Variants in TDRD9 observed in about 807,000 individuals in gnomAD.
TDRD9 encodes the protein tudor domain containing 9.
TDRD9 carries 124 observed loss-of-function variants against 172.6 expected under a neutral mutation model. The ratio of observed to expected loss-of-function variants is 0.72; its 90% CI spans 0.62 to 0.83. The LOEUF (loss-of-function observed/expected upper bound fraction) is 0.83. Ranked by LOEUF, TDRD9 falls within the 40% of genes least tolerant of loss-of-function variation. The pLI is 0.00. For missense variants in TDRD9, 1,479 were observed against 1,714.1 expected, an observed-to-expected ratio of 0.86 and a Z score of 2.42; for synonymous variants, 619 against 617.1, an observed-to-expected ratio of 1.00 and a Z score of -0.05.
chr14:104,035,627 A>G (rs1423327189), intron 32 of TDRD9, among the ~76,000 whole-genome samples: 1 of 152,180 alleles, frequency 6.6e-6, no homozygotes, highest in Non-Finnish European at 1.5e-5. Flanking sequence ...TTTGCAGACT[A>G]GGGATTGACA....
chr14:104,006,749 A>G (rs970470778), intron 17 of TDRD9, 33 bp from the exon 18 acceptor site: 2 of 1,613,088 alleles, frequency 1.2e-6, no homozygotes, highest in Non-Finnish European at 1.7e-6. Context: ...CTGTATTTTA[A>G]TGGTATTGAA....
intron 20 of TDRD9, among the ~76,000 whole-genome samples, 164 bp downstream of exon 20, chr14:104,008,630 C>T (rs1029404026): frequency 1.3e-5 from 2 of 152,166 alleles, no homozygotes; most frequent in Admixed American, 6.5e-5. Context: ...TGTGTTTTCA[C>T]CTTTCAGTAG....
chr14:103,934,549 C>T (rs1045326786), intron 1 of TDRD9, among the ~76,000 whole-genome samples: 4 of 152,132 alleles, frequency 2.6e-5, no homozygotes, highest in Admixed American at 1.3e-4. Flanking sequence ...GAGGCCGAGG[C>T]GGGTGGATCA....
intron 34 of TDRD9, among the ~76,000 whole-genome samples, chr14:104,045,144 G>GAAAA (rs143411044): frequency 7.1e-6 from 1 of 140,510 alleles, no homozygotes; most frequent in Admixed American, 7.1e-5. Flanking sequence ...ACTCTATCAG[G>GAAAA]AAAAAAAAAA....
chr14:104,014,570 C>G (rs1040293468), intron 20 of TDRD9, among the ~76,000 whole-genome samples, 155 bp from the exon 21 acceptor site: 1 of 152,072 alleles, frequency 6.6e-6, no homozygotes, highest in Admixed American at 6.6e-5. Context: ...TGTGAGTCAC[C>G]GTGCACAGCC....
chr14:103,949,042 G>A (rs963117931), intron 1 of TDRD9, among the ~76,000 whole-genome samples: 3 of 152,196 alleles, frequency 2.0e-5, no homozygotes, highest in African/African-American at 7.2e-5. Context: ...ATTGTTTAAT[G>A]GGTACAGAGA....
At chr14:103,948,217 A>G (rs960370728) in intron 1 of TDRD9, among the ~76,000 whole-genome samples, 3 of 151,312 alleles carry the variant, frequency 2.0e-5, no homozygotes, top group African/African-American at 7.3e-5. Context: ...GGGTCTTACT[A>G]TGTTGCTCAG....
chr14:104,044,084 A>G (rs8007542), intron 34 of TDRD9, among the ~76,000 whole-genome samples: 3,655 of 152,266 alleles, frequency 0.024, 149 homozygotes, highest in African/African-American at 0.084. Flanking sequence ...CTGCTGCCAC[A>G]TAAGAGAGGG....
rs985533975 is a variant in TDRD9, at chr14:103,965,630, G to T, written c.642+76G>T. The T allele has an allele frequency of 3.7e-6, 5 of 1,336,096 alleles. No individual in the cohort carries two copies. The African/African-American group carries it at 7.3e-5, about 19-fold the overall frequency. 82.8% of individuals were successfully genotyped at this position (1,336,096 alleles called of 1,614,324 possible). On this transcript the variant is annotated intron_variant, in intron 4 of 35. Transcript: ENST00000409874. ...CCTTAATTTTATTAAGTTTTTTTCT[G>T]TGTAAGTTGATAGTATGTGACCATT...
chr14:103,961,224 T>G (rs2032493196), intron 2 of TDRD9, among the ~76,000 whole-genome samples: 1 of 152,160 alleles, frequency 6.6e-6, no homozygotes, highest in Non-Finnish European at 1.5e-5. Flanking sequence ...TGAGACGTGA[T>G]AATGGAAAGA....
chr14:103,941,559 T>C (rs1658007377), intron 1 of TDRD9: 19 of 1,535,372 alleles, frequency 1.2e-5, no homozygotes, highest in Non-Finnish European at 1.3e-5. Context: ...TTCGATTTCT[T>C]GTATTAATCT....
chr14:103,958,793 AAG>A (rs2032367247), intron 2 of TDRD9, among the ~76,000 whole-genome samples: 1 of 152,212 alleles, frequency 6.6e-6, no homozygotes, highest in Non-Finnish European at 1.5e-5. Context: ...CCAGAACTGT[AAG>A]AGAATAAATG....
At chr14:103,985,997 C>T (rs1221005213) in intron 7 of TDRD9, among the ~76,000 whole-genome samples, 1 of 152,152 alleles carries the variant, frequency 6.6e-6, no homozygotes, top group Non-Finnish European at 1.5e-5. Context: ...GGTGACTAGG[C>T]GAGGAGATTG....
intron 5 of TDRD9, 129 bp downstream of exon 5, chr14:103,966,960 CT>C (rs1321604505): frequency 4.6e-6 from 4 of 861,086 alleles, no homozygotes; most frequent in Non-Finnish European, 6.5e-6. Context: ...ACTTTCTGGA[CT>C]TTTCTCAGTA....
At chr14:103,941,787 C>A in intron 1 of TDRD9, 2 of 1,010,374 alleles carry the variant, frequency 2.0e-6, no homozygotes, top group Non-Finnish European at 1.4e-6. Flanking sequence ...TAAATTTGCC[C>A]GAAAAGTGCA....
rs775395561 is a variant in TDRD9 at position 104,016,195 on chromosome 14, G to A, written c.2331+107G>A. On this transcript the variant is annotated intron_variant, in intron 22 of 35. Coordinates refer to ENST00000409874, the MANE Select transcript of TDRD9 (RefSeq NM_153046.3). Reference sequence around the variant, plus strand: ...AGTCCTAAGTGAATTTTCCCCTGGCGTGAATATTAGGCTTGTTTGGCCTTT... The same window carrying A: ...AGTCCTAAGTGAATTTTCCCCTGGCATGAATATTAGGCTTGTTTGGCCTTT... The A allele has an allele frequency of 5.2e-5, 40 of 765,068 alleles. 1 individual carries two copies. The highest frequency in any genetic ancestry group is 3.0e-4 in the East Asian group (11 of 36,758). 47.4% of individuals were successfully genotyped at this position (765,068 alleles called of 1,614,324 possible).
intron 15 of TDRD9, among the ~76,000 whole-genome samples, chr14:104,005,861 G>A (rs1053658669): frequency 1.3e-5 from 2 of 152,174 alleles, no homozygotes; most frequent in Non-Finnish European, 2.9e-5. Context: ...TGCCTAGGCT[G>A]GAGCGCAGTG....
intron 1 of TDRD9, among the ~76,000 whole-genome samples, chr14:103,936,331 A>G (rs2030761347): frequency 6.6e-6 from 1 of 152,170 alleles, no homozygotes; most frequent in Non-Finnish European, 1.5e-5. Context: ...GGCTCAAGTG[A>G]TCTTCCCACC....
chr14:103,997,323 C>G lies in TDRD9; in HGVS notation c.1379-1301C>G, dbSNP rs1439988004. 1.3e-5 allele frequency among the ~76,000 whole-genome samples: 2 copies of G among 152,100 alleles called. No homozygotes were observed. Among genetic ancestry groups the G allele is most frequent in the East Asian group, 3.9e-4 (2 of 5,184 alleles). ...GGTGGGGGTAGATCCCAGGGAGATTCTGAAGGCAGAGCTGGGGAGGATGTG... is the reference window on the plus strand; with the variant it reads ...GGTGGGGGTAGATCCCAGGGAGATTGTGAAGGCAGAGCTGGGGAGGATGTG... On this transcript the variant is annotated intron_variant, in intron 12 of 35. Coordinates refer to ENST00000409874, the MANE Select transcript of TDRD9 (RefSeq NM_153046.3). The surrounding 1 kb of genome is among the most constrained non-coding windows in gnomAD (Gnocchi z 5.1).
Sources: allele counts gnomAD v4.1 joint callset (sites outside exome capture counted in the v4.1 genomes callset), GRCh38; gene constraint gnomAD v4.1.1; non-coding constraint Gnocchi (gnomAD v3.1); transcripts MANE v1.5; gene names NCBI Gene and HGNC (gene_info 2026-07-23, HGNC 2026-07-21).